Variants in DTNB observed in about 807,000 individuals in gnomAD.
The protein encoded by DTNB is DTN-B.
A neutral mutation model predicts 90.7 loss-of-function variants in DTNB; 63 were observed. That is an observed-to-expected ratio of 0.69 (90% confidence interval 0.57 to 0.86). DTNB has a LOEUF of 0.86. DTNB is among the 40% of genes least tolerant of loss of function. The pLI is 0.00. For missense variants in DTNB, 744 were observed against 807.1 expected (o/e 0.92, Z 0.95); for synonymous variants, 277 against 286.7 (o/e 0.97, Z 0.34).
intron 6 of DTNB, among the ~76,000 whole-genome samples, chr2:25,589,387 T>C (rs945238338): frequency 2.0e-4 from 25 of 124,412 alleles, no homozygotes; most frequent in Non-Finnish European, 2.9e-4. Context: ...TTTTTTTTTT[T>C]TTTTTTTTTT....
Position 25,388,253 on chromosome 2 carries a change from G to A in DTNB, c.1684C>T (p.Gln562Ter). 1 of 1,607,404 alleles carries A rather than the reference G, an allele frequency of 6.2e-7. No homozygotes were observed. The highest frequency in any genetic ancestry group is 8.5e-7 in the Non-Finnish European group (1 of 1,177,354). ...SAGSTPTHCP[Q>*]DSLSGVGGDV... ...CCCCCGACTCCGCTCAGCGAGTCCT[G>A]CGGACAGTGGGTGGGGGTGGAGCCG... is the stretch of plus-strand genomic sequence containing the variant. The change falls in exon 17 of 21, where the codon CAG becomes TAG. Residue 562 changes from glutamine (Q) to a stop codon, truncating the protein, a stop_gained. Transcript: ENST00000406818. LOFTEE classifies it high-confidence loss of function.
intron 14 of DTNB, among the ~76,000 whole-genome samples, chr2:25,429,901 T>C (rs2053282712): frequency 6.6e-6 from 1 of 151,918 alleles, no homozygotes; most frequent in African/African-American, 2.4e-5. Context: ...TCCAAGACTC[T>C]TTCCCTTTTC....
At chr2:25,555,467 A>T (rs1376691489) in intron 8 of DTNB, among the ~76,000 whole-genome samples, 1 of 152,186 alleles carries the variant, frequency 6.6e-6, no homozygotes, top group East Asian at 1.9e-4. Flanking sequence ...ATGAATACTG[A>T]ATATTACACA....
chr2:25,480,593 A>G (rs900995769), intron 10 of DTNB, among the ~76,000 whole-genome samples: 1 of 152,210 alleles, frequency 6.6e-6, no homozygotes, highest in African/African-American at 2.4e-5. Flanking sequence ...CACTGTCCAG[A>G]AAGCCATGCT....
At chr2:25,537,128 T>C (rs2080009762) in intron 8 of DTNB, among the ~76,000 whole-genome samples, 1 of 152,312 alleles carries the variant, frequency 6.6e-6, no homozygotes, top group Admixed American at 6.5e-5. Context: ...ATCTTTGTAT[T>C]TGAACAAATT....
chr2:25,433,050 G>A (rs530918912), intron 13 of DTNB, 51 bp from the exon 14 acceptor site: 74 of 1,497,028 alleles, frequency 4.9e-5, no homozygotes, highest in African/African-American at 5.6e-5. Context: ...TCTCACTCAC[G>A]CTCCCTCTTT....
rs543159547 is a variant in DTNB at position 25,508,491 on chromosome 2, T to G, written c.1001+22982A>C. On this transcript the variant is annotated intron_variant, in intron 9 of 20. Coordinates refer to ENST00000406818, the MANE Select transcript of DTNB (RefSeq NM_021907.5). ...TCATTTATTTAGGGCTTTTAACATT[T>G]CTTTTTTGTTTGTTTTTTTTTTTTT... 2.2e-4 allele frequency among the ~76,000 whole-genome samples: 34 copies of G among 151,708 alleles called. 1 individual carries two copies. The South Asian group carries it at 5.0e-3, about 22-fold the overall frequency.
At chr2:25,473,099 AG>A (rs1198285042) in intron 10 of DTNB, among the ~76,000 whole-genome samples, 1 of 152,218 alleles carries the variant, frequency 6.6e-6, no homozygotes, top group Admixed American at 6.5e-5. Context: ...GCAGCTGCAA[AG>A]AAAAGACTAA....
chr2:25,528,769 G>C (rs1427708542), intron 9 of DTNB, among the ~76,000 whole-genome samples: 1 of 152,112 alleles, frequency 6.6e-6, no homozygotes, highest in Non-Finnish European at 1.5e-5. Flanking sequence ...AATAGCTGTA[G>C]GAAAAAGGAC....
Position 25,388,249 on chromosome 2 carries a change from T to A in DTNB, c.1688A>T (p.Asp563Val). ...GTCTCCCCCGACTCCGCTCAGCGAG[T>A]CCTGCGGACAGTGGGTGGGGGTGGA... ...AGSTPTHCPQ[D>V]SLSGVGGDVQ... Residue 563 changes from aspartate to valine, a missense_variant, in exon 17 of 21, where the codon GAC becomes GTC. Transcript: ENST00000406818. 6.2e-7 allele frequency: 1 copy of A among 1,605,438 alleles called. No homozygotes were observed. Among genetic ancestry groups the A allele is most frequent in the Non-Finnish European group, 8.5e-7 (1 of 1,176,544 alleles).
chr2:25,405,123 T>C (rs1174603353), intron 16 of DTNB, among the ~76,000 whole-genome samples: 2 of 152,026 alleles, frequency 1.3e-5, no homozygotes, highest in Non-Finnish European at 1.5e-5. Context: ...AGATGAAATT[T>C]TGCCATGTTG....
chr2:25,409,718 T>C (rs1402456355), intron 16 of DTNB, among the ~76,000 whole-genome samples: 1 of 152,200 alleles, frequency 6.6e-6, no homozygotes, highest in Non-Finnish European at 1.5e-5. Flanking sequence ...CTTGCAACTA[T>C]CTGGGCTTCC....
At chr2:25,404,996 T>C (rs2044720568) in intron 16 of DTNB, among the ~76,000 whole-genome samples, 1 of 152,098 alleles carries the variant, frequency 6.6e-6, no homozygotes, top group Admixed American at 6.6e-5. Flanking sequence ...CAGGCTGGAG[T>C]GCAGTGGCAA....
At chr2:25,668,132 G>C (rs990294265) in intron 1 of DTNB, among the ~76,000 whole-genome samples, 5 of 152,034 alleles carry the variant, frequency 3.3e-5, no homozygotes, top group Non-Finnish European at 7.4e-5. Context: ...CCAGCTACTC[G>C]GGAGGCTGAG....
intron 8 of DTNB, among the ~76,000 whole-genome samples, chr2:25,548,429 T>G (rs1370426927): frequency 6.6e-6 from 1 of 152,146 alleles, no homozygotes; most frequent in Non-Finnish European, 1.5e-5. Flanking sequence ...TTTTTTCCTT[T>G]CTGTTGTTAA....
At chr2:25,582,947 G>C (rs1160411890) in intron 6 of DTNB, among the ~76,000 whole-genome samples, 3 of 152,038 alleles carry the variant, frequency 2.0e-5, no homozygotes, top group Admixed American at 2.0e-4. Context: ...CCAAGATAAA[G>C]TCAAAAGTGT....
chr2:25,435,205 G>C (rs534327453), intron 12 of DTNB, among the ~76,000 whole-genome samples: 2 of 152,264 alleles, frequency 1.3e-5, no homozygotes, highest in South Asian at 4.1e-4. Flanking sequence ...ATTTTTAGTA[G>C]AGACAGGGTT....
intron 14 of DTNB, among the ~76,000 whole-genome samples, chr2:25,429,583 T>G (rs2053160039): frequency 6.6e-6 from 1 of 152,222 alleles, no homozygotes; most frequent in African/African-American, 2.4e-5. Context: ...TAATTAGTGC[T>G]CCTCAGTGGT....
chr2:25,617,859 C>T (rs2071229963), intron 4 of DTNB, among the ~76,000 whole-genome samples: 1 of 152,056 alleles, frequency 6.6e-6, no homozygotes. Flanking sequence ...GCATGGGCAA[C>T]AGAGCAAGAC....
Sources: allele counts gnomAD v4.1 joint callset (sites outside exome capture counted in the v4.1 genomes callset), GRCh38; gene constraint gnomAD v4.1.1; transcripts MANE v1.5; gene names NCBI Gene and HGNC (gene_info 2026-07-23, HGNC 2026-07-21).